The following KATNAL1 variants were observed in gnomAD, a reference collection of about 807,000 sequenced individuals.
The protein encoded by KATNAL1 is katanin catalytic subunit A1 like 1.
Under a neutral mutation model 55.2 loss-of-function variants are expected in KATNAL1, and 32 were observed. That is an observed-to-expected ratio of 0.58 (90% CI 0.44 to 0.78). KATNAL1 has a LOEUF of 0.78. KATNAL1 is among the 30% of genes least tolerant of loss of function. The pLI is 0.00. For missense variants in KATNAL1, 466 were observed against 600.9 expected (o/e 0.78, Z 2.35); for synonymous variants, 193 against 193.6 (o/e 1.00, Z 0.02).
intron 1 of KATNAL1, among the ~76,000 whole-genome samples, chr13:30,302,914 C>A (rs907637144): frequency 1.3e-5 from 2 of 152,092 alleles, no homozygotes; most frequent in Non-Finnish European, 2.9e-5. Context: ...TTCTATAATA[C>A]CCTGGGAAGT....
At chr13:30,215,631 T>C (rs1012998973) in intron 9 of KATNAL1, among the ~76,000 whole-genome samples, 3 of 152,194 alleles carry the variant, frequency 2.0e-5, no homozygotes, top group South Asian at 2.1e-4. Context: ...TGTAGGGACA[T>C]GGATGAAACT....
intron 3 of KATNAL1, among the ~76,000 whole-genome samples, chr13:30,279,441 A>G (rs1279373754): frequency 6.6e-6 from 1 of 152,202 alleles, no homozygotes; most frequent in Non-Finnish European, 1.5e-5. Context: ...ACTTGAATGA[A>G]TATGAGTTGT....
chr13:30,295,428 T>C (rs1233568665), intron 1 of KATNAL1, among the ~76,000 whole-genome samples: 3 of 152,166 alleles, frequency 2.0e-5, no homozygotes, highest in African/African-American at 7.2e-5. Flanking sequence ...GCATTAGAAG[T>C]GGAGCTTGTA....
rs1373588470 is a variant in KATNAL1, at chr13:30,227,467, A to C, written c.1092T>G (p.Ile364Met). The C allele has an allele frequency of 2.5e-6, 4 of 1,613,876 alleles. No individual in the cohort carries two copies. The highest frequency in any genetic ancestry group is 3.4e-6 in the Non-Finnish European group (4 of 1,179,890). ...VLAATNFPWDIDEALRRRLEK... is the reference protein window; with the variant it reads ...VLAATNFPWDMDEALRRRLEK... ...CTAACCTTCTTCGCAAAGCTTCATCAATGTCCCACGGGAAATTAGTAGCAG... is the reference window on the plus strand; with the variant it reads ...CTAACCTTCTTCGCAAAGCTTCATCCATGTCCCACGGGAAATTAGTAGCAG... Residue 364 changes from isoleucine to methionine, a missense_variant, in exon 9 of 11, where the codon ATT becomes ATG. By Grantham distance (10) the Ile-to-Met change is conservative. This residue lies in a region of KATNAL1 where 213 missense variants were observed against 308.6 expected (regional missense o/e 0.69). Coordinates refer to ENST00000380615, the MANE Select transcript of KATNAL1 (RefSeq NM_032116.5).
chr13:30,298,678 A>AAT (rs1415858044), intron 1 of KATNAL1, among the ~76,000 whole-genome samples: 1 of 152,206 alleles, frequency 6.6e-6, no homozygotes, highest in Non-Finnish European at 1.5e-5. Flanking sequence ...CTGGCATTAA[A>AAT]ATATATAGTC....
At chr13:30,215,793 GA>G (rs1486965712) in intron 9 of KATNAL1, among the ~76,000 whole-genome samples, 6 of 151,854 alleles carry the variant, frequency 4.0e-5, no homozygotes, top group African/African-American at 1.5e-4. Context: ...GGGGAGTGGG[GA>G]GGGATAGCAT....
intron 4 of KATNAL1, among the ~76,000 whole-genome samples, chr13:30,249,250 G>A (rs920579594): frequency 2.0e-5 from 3 of 151,764 alleles, no homozygotes; most frequent in African/African-American, 7.3e-5. Flanking sequence ...AAAAAAGACT[G>A]ACAACATCAA....
chr13:30,241,145 T>C lies in KATNAL1; in HGVS notation c.493-59A>G, dbSNP rs1301141277. 4.9e-6 allele frequency: 7 copies of C among 1,437,862 alleles called. No individual in the cohort carries two copies. In the East Asian group the frequency reaches 1.4e-4, roughly 28 times the overall value. 89.1% of individuals were successfully genotyped at this position (1,437,862 alleles called of 1,614,324 possible). A position where few individuals can be genotyped will look rare whatever the true frequency, so the allele number is the denominator to read the frequency against. On this transcript the variant is annotated intron_variant, in intron 4 of 10. Coordinates refer to ENST00000380615, the MANE Select transcript of KATNAL1 (RefSeq NM_032116.5). ...GTAATGGATAATTTAGTTAACATCA[T>C]TACGCTTTGAAAACATTATAATGCC...
At chr13:30,258,916 G>T (rs1316545285) in intron 3 of KATNAL1, among the ~76,000 whole-genome samples, 1 of 152,132 alleles carries the variant, frequency 6.6e-6, no homozygotes, top group Non-Finnish European at 1.5e-5. Flanking sequence ...AAGGACTTTA[G>T]AATTTTTTAA....
rs1873331136 is a variant in KATNAL1, at chr13:30,208,219, G to A, written c.*321C>T. The A allele has an allele frequency of 5.1e-6, 1 of 194,684 alleles. No homozygotes were observed. The highest frequency in any genetic ancestry group is 6.0e-5 in the Admixed American group (1 of 16,670). The allele number at this position is 194,684 out of a possible 1,614,324, so 12.1% of individuals were successfully genotyped here. On this transcript the variant is annotated 3_prime_UTR_variant, in exon 11 of 11. Transcript: ENST00000380615. ...AAAAAAAAACTGCAAATGAGAAATAGGGGTATTTCTAAATCTTCTGTATTC... is the reference window on the plus strand; with the variant it reads ...AAAAAAAAACTGCAAATGAGAAATAAGGGTATTTCTAAATCTTCTGTATTC...
At chr13:30,219,973 T>C (rs554797499) in intron 9 of KATNAL1, among the ~76,000 whole-genome samples, 26 of 152,322 alleles carry the variant, frequency 1.7e-4, no homozygotes, top group African/African-American at 6.3e-4. Flanking sequence ...TATTTTCTAC[T>C]TATGTTTTTC....
At chr13:30,209,700 G>T (rs1873475784) in intron 10 of KATNAL1, among the ~76,000 whole-genome samples, 1 of 152,192 alleles carries the variant, frequency 6.6e-6, no homozygotes, top group South Asian at 2.1e-4. Flanking sequence ...ATTACTTTAG[G>T]TTGATGCAGA....
intron 10 of KATNAL1, among the ~76,000 whole-genome samples, chr13:30,209,222 T>A (rs1873429903): frequency 6.6e-6 from 1 of 152,240 alleles, no homozygotes; most frequent in Non-Finnish European, 1.5e-5. Flanking sequence ...GGAGTATTTG[T>A]AGGCAACTGA....
At position 30,255,620 on chromosome 13, in the gene KATNAL1, C is replaced by CAAA. The variant is rs11348486; in HGVS notation, c.324-8_324-6dup. The CAAA allele has an allele frequency of 1.9e-5, 21 of 1,083,918 alleles. No homozygotes were observed. Among genetic ancestry groups the CAAA allele is most frequent in the South Asian group, 1.8e-4 (5 of 27,298 alleles). 67.1% of individuals were successfully genotyped at this position (1,083,918 alleles called of 1,614,324 possible). ...CGCCTGATCTGAGGTGGAGCTCTGACAAAAAAAAAAAAAAAAAAATTAAAA... is the reference window on the plus strand; with the variant it reads ...CGCCTGATCTGAGGTGGAGCTCTGACAAAAAAAAAAAAAAAAAAAAAATTAAAA... On this transcript the variant is annotated splice_polypyrimidine_tract_variant and splice_region_variant and intron_variant, in intron 3 of 10. Transcript: ENST00000380615.
intron 8 of KATNAL1, among the ~76,000 whole-genome samples, chr13:30,229,670 TTC>T (rs1384562720): frequency 6.6e-6 from 1 of 152,080 alleles, no homozygotes; most frequent in Non-Finnish European, 1.5e-5. Flanking sequence ...GTGAGCTGTG[TTC>T]ACACCACTGT....
intron 9 of KATNAL1, among the ~76,000 whole-genome samples, chr13:30,219,459 T>C (rs1192032091): frequency 6.6e-6 from 1 of 152,206 alleles, no homozygotes; most frequent in Non-Finnish European, 1.5e-5. Context: ...GTTCCAAAAA[T>C]ACTGTGCAGA....
intron 4 of KATNAL1, among the ~76,000 whole-genome samples, chr13:30,242,392 TA>T (rs1877365657): frequency 2.6e-5 from 4 of 152,168 alleles, no homozygotes; most frequent in Admixed American, 2.6e-4. Context: ...TTAAAAACAG[TA>T]AATATTTGGG....
intron 3 of KATNAL1, among the ~76,000 whole-genome samples, chr13:30,277,414 T>C (rs1286895794): frequency 6.6e-6 from 1 of 152,166 alleles, no homozygotes; most frequent in East Asian, 1.9e-4. Context: ...ACAAAGCAAG[T>C]AGGTTTCAGA....
At chr13:30,247,437 C>T (rs1317317162) in intron 4 of KATNAL1, among the ~76,000 whole-genome samples, 2 of 152,146 alleles carry the variant, frequency 1.3e-5, no homozygotes, top group Non-Finnish European at 2.9e-5. Context: ...ACAATATTTG[C>T]CAGTACTATG....
Sources: allele counts gnomAD v4.1 joint callset (sites outside exome capture counted in the v4.1 genomes callset), GRCh38; gene constraint gnomAD v4.1.1; regional missense constraint gnomAD v4.1.1; transcripts MANE v1.5; gene names NCBI Gene and HGNC (gene_info 2026-07-23, HGNC 2026-07-21).